Variants in TDRD3 observed in about 807,000 individuals in gnomAD.
TDRD3 encodes tudor domain-containing protein 3.
TDRD3 carries 45 observed loss-of-function variants against 86.7 expected under a neutral mutation model. The ratio of observed to expected loss-of-function variants is 0.52; its 90% CI spans 0.41 to 0.67. The LOEUF is 0.67. Ranked by LOEUF, TDRD3 falls within the 30% of genes least tolerant of loss-of-function variation. TDRD3 has a pLI of 0.00. For synonymous variants in TDRD3, 298 were observed against 301.7 expected (o/e 0.99, Z 0.13); for missense variants, 814 against 889.0 (o/e 0.92, Z 1.07).
chr13:60,397,617 G>C (rs1953962158), intron 1 of TDRD3, among the ~76,000 whole-genome samples: 1 of 94,186 alleles, frequency 1.1e-5, no homozygotes, highest in Non-Finnish European at 2.8e-5. Context: ...GGCGGCGGCG[G>C]CCTGGGCCCC....
At position 60,528,508 on chromosome 13, in the gene TDRD3, G is replaced by A. The variant is rs776838284; in HGVS notation, c.1283G>A (p.Arg428His). The change falls in exon 11 of 14, where the codon CGT becomes CAT. Residue 428 changes from arginine to histidine, a missense_variant. Coordinates refer to ENST00000377881, the MANE Select transcript of TDRD3 (RefSeq NM_001146070.2). ...TRQPRNEKPP[R>H]FQRDSQNSKS... ...CAGCCAAGAAATGAAAAACCGCCTC[G>A]TTTTCAAAGAGACTCCCAAAATTCA... 71 of 1,613,816 alleles carry A rather than the reference G, an allele frequency of 4.4e-5. No individual in the cohort carries two copies. The highest frequency in any genetic ancestry group is 5.3e-5 in the Non-Finnish European group (63 of 1,179,934).
intron 5 of TDRD3, among the ~76,000 whole-genome samples, chr13:60,481,227 G>A (rs143751086): frequency 1.0e-3 from 156 of 152,146 alleles, no homozygotes; most frequent in African/African-American, 3.1e-3. Flanking sequence ...GTTGGTGTGC[G>A]TTTTATCCTG....
At position 60,557,820 on chromosome 13, in the gene TDRD3, A is replaced by ATTTTTTTTTT. The variant is rs749028045; in HGVS notation, c.2119-9692_2119-9683dup. ...GGCATAAAGGATTTTTTTTTTCCTG[A>ATTTTTTTTTT]TTTTTTTTTTTTTTTTTTTTTTGAG... On this transcript the variant is annotated intron_variant, in intron 12 of 13. Transcript: ENST00000377881. Among the ~76,000 whole-genome samples the ATTTTTTTTTT allele has an allele frequency of 7.7e-4, 68 of 88,280 alleles. 4 individuals are homozygous for ATTTTTTTTTT. Among genetic ancestry groups the ATTTTTTTTTT allele is most frequent in the Non-Finnish European group, 1.0e-3 (47 of 45,046 alleles). 57.9% of individuals were successfully genotyped at this position (88,280 alleles called of 152,430 possible).
intron 10 of TDRD3, among the ~76,000 whole-genome samples, chr13:60,518,862 T>G (rs1262189549): frequency 6.6e-6 from 1 of 152,148 alleles, no homozygotes; most frequent in Non-Finnish European, 1.5e-5. Flanking sequence ...TAGGTTCCTT[T>G]TAGCCCACAG....
intron 1 of TDRD3, among the ~76,000 whole-genome samples, chr13:60,418,320 C>T (rs1954575215): frequency 6.6e-6 from 1 of 152,010 alleles, no homozygotes; most frequent in African/African-American, 2.4e-5. Flanking sequence ...ACATAACTGT[C>T]ATCTGTTATA....
chr13:60,426,548 T>A (rs1026042172), intron 1 of TDRD3, among the ~76,000 whole-genome samples: 3 of 152,196 alleles, frequency 2.0e-5, no homozygotes, highest in African/African-American at 7.2e-5. Context: ...ACAATAAAAA[T>A]TTTTTTAAAT....
At chr13:60,425,821 G>T (rs567238539) in intron 1 of TDRD3, among the ~76,000 whole-genome samples, 1 of 151,776 alleles carries the variant, frequency 6.6e-6, no homozygotes, top group East Asian at 1.9e-4. Flanking sequence ...CTTAATGATG[G>T]TCTCTTTCCA....
intron 5 of TDRD3, among the ~76,000 whole-genome samples, chr13:60,467,893 A>C (rs1955983616): frequency 6.6e-6 from 1 of 152,032 alleles, no homozygotes; most frequent in African/African-American, 2.4e-5. Context: ...TTGTTCCTCT[A>C]CTTTGCTTCC....
rs557459557 is a variant in TDRD3 at position 60,485,946 on chromosome 13, GAAGT to G, written c.717+2_717+5del. The G allele has an allele frequency of 7.1e-5, 113 of 1,599,794 alleles. No homozygotes were observed. The highest frequency in any genetic ancestry group is 8.5e-5 in the Non-Finnish European group (100 of 1,175,062). ...TATTGCTGAAGTTGCAAAGAGCAAG[GAAGT>G]AAGAAATCAAATCATTACACGTTTT... is the stretch of plus-strand genomic sequence containing the variant. On this transcript the variant is annotated splice_donor_variant and coding_sequence_variant, in exon 7 of 14. Transcript: ENST00000377881. LOFTEE classifies it high-confidence loss of function.
At chr13:60,499,165 G>A (rs1401793674) in intron 8 of TDRD3, among the ~76,000 whole-genome samples, 3 of 152,168 alleles carry the variant, frequency 2.0e-5, no homozygotes, top group Non-Finnish European at 4.4e-5. Context: ...AGAGATTAGT[G>A]CCACCATCAA....
intron 3 of TDRD3, among the ~76,000 whole-genome samples, chr13:60,451,355 A>G (rs1594948390): frequency 6.6e-6 from 1 of 152,176 alleles, no homozygotes. Flanking sequence ...CAGGAGTGCC[A>G]GAGTAAGTGT....
chr13:60,439,705 G>A lies in TDRD3; in HGVS notation c.59G>A (p.Gly20Asp), dbSNP rs1218757879. ...TTTAACAGGTATCTTTCAGATGAAG[G>A]CATTGAAGCTTGCACAAGCTCTCCA... ...SQAGWYLSDE[G>D]IEACTSSPDK... The change falls in exon 2 of 14, where the codon GGC (glycine) becomes GAC (aspartate). Residue 20 changes from glycine to aspartate, a missense_variant. Gly to Asp is a moderately conservative substitution (Grantham distance 94, BLOSUM62 -1). Coordinates refer to ENST00000377881, the MANE Select transcript of TDRD3 (RefSeq NM_001146070.2). The A allele has an allele frequency of 1.9e-6, 3 of 1,541,902 alleles. No homozygotes were observed. Among genetic ancestry groups the A allele is most frequent in the East Asian group, 2.5e-5 (1 of 40,478 alleles).
chr13:60,547,453 G>A (rs1957962226), intron 12 of TDRD3: 6 of 979,624 alleles, frequency 6.1e-6, no homozygotes, highest in Non-Finnish European at 6.1e-6. Context: ...ACCTGGGTTC[G>A]AGTCCTGGCT....
At chr13:60,477,226 T>TATTATC (rs1305520341) in intron 5 of TDRD3, among the ~76,000 whole-genome samples, 1 of 150,608 alleles carries the variant, frequency 6.6e-6, no homozygotes, top group Non-Finnish European at 1.5e-5. Context: ...TTATTATTAT[T>TATTATC]ATTATTAAGA....
At chr13:60,427,808 G>A (rs534396707) in intron 1 of TDRD3, among the ~76,000 whole-genome samples, 1 of 152,256 alleles carries the variant, frequency 6.6e-6, no homozygotes, top group East Asian at 1.9e-4. Context: ...AGGGATGGAT[G>A]GCCTTTCAAA....
Position 60,465,018 on chromosome 13 carries a change from C to T in TDRD3, c.354-2220C>T, listed in dbSNP as rs139298209. ...CATTTTTACCCTGATTTGATCATTA[C>T]ACATTGTATATATGTGTCAAAATAT... On this transcript the variant is annotated intron_variant, in intron 4 of 13. Coordinates refer to ENST00000377881, the MANE Select transcript of TDRD3 (RefSeq NM_001146070.2). 7.4e-4 allele frequency among the ~76,000 whole-genome samples: 112 copies of T among 152,240 alleles called. 1 individual carries two copies. In the East Asian group the frequency reaches 0.016, roughly 22 times the overall value.
intron 6 of TDRD3, chr13:60,484,637 A>G (rs147978204): frequency 4.6e-6 from 2 of 438,168 alleles, no homozygotes; most frequent in East Asian, 7.0e-5. Flanking sequence ...TCATTTTTGC[A>G]TCAAACCTAT....
chr13:60,484,073 T>A (rs905933483), intron 6 of TDRD3, among the ~76,000 whole-genome samples: 1 of 152,122 alleles, frequency 6.6e-6, no homozygotes, highest in Non-Finnish European at 1.5e-5. Flanking sequence ...TTAAGAGCCA[T>A]ATCTGAAGAG....
At chr13:60,555,861 T>G (rs1958172392) in intron 12 of TDRD3, among the ~76,000 whole-genome samples, 1 of 149,870 alleles carries the variant, frequency 6.7e-6, no homozygotes, top group Admixed American at 6.6e-5. Context: ...TCTTTTTTTT[T>G]TTTTTTTGAG....
Sources: allele counts gnomAD v4.1 joint callset (sites outside exome capture counted in the v4.1 genomes callset), GRCh38; gene constraint gnomAD v4.1.1; transcripts MANE v1.5; gene names NCBI Gene and HGNC (gene_info 2026-07-23, HGNC 2026-07-21).